Variants in PHF21B observed in about 807,000 individuals in gnomAD.
PHF21B encodes the protein PHD finger protein 21B.
PHF21B carries 22 observed loss-of-function variants against 62.2 expected under a neutral mutation model. That is an observed-to-expected ratio of 0.35 (90% CI 0.25 to 0.51). The LOEUF (loss-of-function observed/expected upper bound fraction) is 0.51. PHF21B is among the 20% of genes least tolerant of loss of function. PHF21B has a pLI of 0.97. For missense variants in PHF21B, 701 were observed against 707.9 expected (o/e 0.99, Z 0.11); for synonymous variants, 341 against 314.7 (o/e 1.08, Z -0.88).
At chr22:44,926,293 C>T (rs113126955) in intron 2 of PHF21B, among the ~76,000 whole-genome samples, 40 of 152,362 alleles carry the variant, frequency 2.6e-4, no homozygotes, top group African/African-American at 8.4e-4. Context: ...GGTGGATTCC[C>T]GAGGCAGGTT....
At chr22:44,931,465 A>G (rs1249043855) in intron 2 of PHF21B, among the ~76,000 whole-genome samples, 1 of 152,058 alleles carries the variant, frequency 6.6e-6, no homozygotes. Flanking sequence ...TCTTAATCAA[A>G]AAGTGCCAGA....
chr22:44,962,100 T>C (rs2072435912), intron 2 of PHF21B, among the ~76,000 whole-genome samples: 2 of 152,168 alleles, frequency 1.3e-5, no homozygotes, highest in Admixed American at 6.5e-5. Flanking sequence ...TTGGGTAGAA[T>C]GATGTATTTT....
chr22:44,932,542 T>C (rs1482016864), intron 2 of PHF21B, among the ~76,000 whole-genome samples: 2 of 152,192 alleles, frequency 1.3e-5, no homozygotes, highest in East Asian at 1.9e-4. Context: ...CTCTGTAAAA[T>C]AGACGGTCAT....
At chr22:44,995,142 G>T (rs997726515) in intron 2 of PHF21B, among the ~76,000 whole-genome samples, 1 of 152,220 alleles carries the variant, frequency 6.6e-6, no homozygotes, top group African/African-American at 2.4e-5. Context: ...GGGAGGTATG[G>T]GGGGGATGAA....
chr22:45,008,230 G>A (rs1318814175), intron 2 of PHF21B: 2 of 239,884 alleles, frequency 8.3e-6, no homozygotes, highest in African/African-American at 2.2e-5. Context: ...CGCAAAGCGG[G>A]GGACTCCGAG....
intron 5 of PHF21B, among the ~76,000 whole-genome samples, chr22:44,897,734 C>T (rs1675535369): frequency 6.6e-6 from 1 of 152,126 alleles, no homozygotes; most frequent in Middle Eastern, 3.2e-3. Flanking sequence ...TACCCCACAC[C>T]CAGTTCATCG....
At chr22:44,942,924 G>A (rs1035057201) in intron 2 of PHF21B, among the ~76,000 whole-genome samples, 3 of 151,882 alleles carry the variant, frequency 2.0e-5, no homozygotes, top group African/African-American at 7.3e-5. Context: ...ACTCAGTGAA[G>A]AAAGGGGGAT....
chr22:44,975,808 G>A (rs1455265999), intron 2 of PHF21B, among the ~76,000 whole-genome samples: 1 of 152,252 alleles, frequency 6.6e-6, no homozygotes, highest in Admixed American at 6.5e-5. Context: ...AACTCGCCCA[G>A]GAGAGGGCGC....
chr22:44,917,920 T>G (rs759285779), intron 3 of PHF21B, among the ~76,000 whole-genome samples: 7 of 152,244 alleles, frequency 4.6e-5, no homozygotes, highest in Non-Finnish European at 7.3e-5. Flanking sequence ...GTGATCTCTG[T>G]GTCCCCTGCC....
chr22:44,947,545 G>C (rs1328254299), intron 2 of PHF21B, among the ~76,000 whole-genome samples: 1 of 152,184 alleles, frequency 6.6e-6, no homozygotes, highest in Non-Finnish European at 1.5e-5. Flanking sequence ...TGCATCTCCT[G>C]GGACAGGCTG....
chr22:44,889,858 G>A (rs1255958452), intron 8 of PHF21B, 76 bp from the exon 9 acceptor site: 2 of 1,414,588 alleles, frequency 1.4e-6, no homozygotes, highest in Non-Finnish European at 1.9e-6. Context: ...AGTCCATGAG[G>A]CCTCATGTGG....
intron 5 of PHF21B, among the ~76,000 whole-genome samples, chr22:44,897,909 A>T (rs900505541): frequency 6.6e-6 from 1 of 152,174 alleles, no homozygotes; most frequent in Non-Finnish European, 1.5e-5. Context: ...CCTGGGCTCA[A>T]GCAATTCTCC....
At chr22:44,980,729 C>A (rs2072825818) in intron 2 of PHF21B, among the ~76,000 whole-genome samples, 3 of 152,092 alleles carry the variant, frequency 2.0e-5, no homozygotes, top group Admixed American at 1.3e-4. Context: ...GTGTCTCTTC[C>A]AAGGGACAAT....
At position 44,956,616 on chromosome 22, in the gene PHF21B, GGCTGCTGCCCAGGGAGACC is replaced by G. The variant is rs1569253349; in HGVS notation, c.121-36145_121-36127del. ...AGCTGCCGAGCTTCCTTCACGAGGCGGCTGCTGCCCAGGGAGACCTCGAGGGACCCTCCACAAGCGACCC... is the reference window on the plus strand; with the variant it reads ...AGCTGCCGAGCTTCCTTCACGAGGCGTCGAGGGACCCTCCACAAGCGACCC... On this transcript the variant is annotated intron_variant, in intron 2 of 12. Transcript: ENST00000313237. Among the ~76,000 whole-genome samples, 598 of 152,260 alleles carry G rather than the reference GGCTGCTGCCCAGGGAGACC, an allele frequency of 3.9e-3. 5 individuals carry two copies. The highest frequency in any genetic ancestry group is 0.013 in the African/African-American group (543 of 41,548).
intron 2 of PHF21B, among the ~76,000 whole-genome samples, chr22:44,972,272 A>C (rs574608014): frequency 6.6e-6 from 1 of 152,352 alleles, no homozygotes; most frequent in Admixed American, 6.5e-5. Flanking sequence ...TGAAAATATG[A>C]AAGGTGATTA....
Position 45,009,662 on chromosome 22 carries a change from G to C in PHF21B, c.-113C>G, listed in dbSNP as rs2073389536. 6.8e-6 allele frequency: 7 copies of C among 1,027,772 alleles called. No homozygotes were observed. Among genetic ancestry groups the C allele is most frequent in the East Asian group, 6.3e-5 (2 of 31,708 alleles). 63.7% of individuals were successfully genotyped at this position (1,027,772 alleles called of 1,614,324 possible). A position where few individuals can be genotyped will look rare whatever the true frequency, so the allele number is the denominator to read the frequency against. On this transcript the variant is annotated 5_prime_UTR_variant, in exon 1 of 13. Transcript: ENST00000313237. The surrounding 1 kb of genome is among the most constrained non-coding windows in gnomAD (Gnocchi z 5.9). ...GCGGACGCGGCCTCCGGGCTGGGTTGGGGGGGACACGAGCCCCCTCCCCCA... is the reference window on the plus strand; with the variant it reads ...GCGGACGCGGCCTCCGGGCTGGGTTCGGGGGGACACGAGCCCCCTCCCCCA...
intron 6 of PHF21B, among the ~76,000 whole-genome samples, chr22:44,894,392 A>C (rs554353581): frequency 6.6e-6 from 1 of 152,296 alleles, no homozygotes; most frequent in East Asian, 1.9e-4. Flanking sequence ...GCAGATGAGA[A>C]AACTGAGGTT....
At chr22:44,942,523 G>A (rs1290630727) in intron 2 of PHF21B, among the ~76,000 whole-genome samples, 1 of 152,202 alleles carries the variant, frequency 6.6e-6, no homozygotes, top group Non-Finnish European at 1.5e-5. Flanking sequence ...GCCAATGCTG[G>A]GAGGTGGAGG....
At chr22:44,971,666 C>A (rs2072641044) in intron 2 of PHF21B, among the ~76,000 whole-genome samples, 1 of 152,218 alleles carries the variant, frequency 6.6e-6, no homozygotes, top group Admixed American at 6.5e-5. Flanking sequence ...TCCCAGAAAA[C>A]TTAGCCCTCC....
Sources: allele counts gnomAD v4.1 joint callset (sites outside exome capture counted in the v4.1 genomes callset), GRCh38; gene constraint gnomAD v4.1.1; non-coding constraint Gnocchi (gnomAD v3.1); transcripts MANE v1.5; gene names NCBI Gene and HGNC (gene_info 2026-07-23, HGNC 2026-07-21).